RBFOX1: variants seen among roughly 807,000 people sequenced by gnomAD.
RBFOX1 encodes the protein RNA binding protein fox-1 homolog 1.
RBFOX1 carries 8 observed loss-of-function variants against 57.7 expected under a neutral mutation model. The ratio of observed to expected loss-of-function variants is 0.14; its 90% CI spans 0.08 to 0.25. The LOEUF is 0.25. RBFOX1 is among the 10% of genes least tolerant of loss of function. The probability of loss-of-function intolerance (pLI) is 1.00; values close to 1 mark genes in which losing one functional copy is unlikely to be tolerated. For synonymous variants in RBFOX1, 326 were observed against 222.4 expected, an observed-to-expected ratio of 1.47 and a Z score of -4.15; for missense variants, 611 against 548.5, an observed-to-expected ratio of 1.11 and a Z score of -1.14.
intron 3 of RBFOX1, among the ~76,000 whole-genome samples, chr16:6,955,908 G>T (rs1360177104): frequency 6.6e-6 from 1 of 152,072 alleles, no homozygotes; most frequent in Non-Finnish European, 1.5e-5. Context: ...GTTTCACCAT[G>T]TTGGTCAGGC....
At chr16:6,333,492 A>G (rs190346074) in intron 2 of RBFOX1, among the ~76,000 whole-genome samples, 7 of 152,104 alleles carry the variant, frequency 4.6e-5, no homozygotes, top group African/African-American at 1.7e-4. Context: ...CTTTGTCATC[A>G]TAGCTTCTCT....
At chr16:7,266,026 G>C (rs2095125725) in intron 4 of RBFOX1, among the ~76,000 whole-genome samples, 1 of 142,856 alleles carries the variant, frequency 7.0e-6, no homozygotes, top group African/African-American at 2.6e-5. Context: ...CCAGGCTGGA[G>C]TGCAGTGGCG....
chr16:5,748,122 T>A (rs56030444), intron 3 of RBFOX1, among the ~76,000 whole-genome samples: 1,943 of 152,290 alleles, frequency 0.013, 43 homozygotes, highest in African/African-American at 0.042. Flanking sequence ...CTGCCTTCAT[T>A]TCGTTATGTA....
chr16:6,953,210 G>T (rs1291397864), intron 3 of RBFOX1, among the ~76,000 whole-genome samples: 4 of 152,120 alleles, frequency 2.6e-5, no homozygotes, highest in South Asian at 4.2e-4. Context: ...TATGTGTCCG[G>T]TGCTCTCAGA....
intron 1 of RBFOX1, among the ~76,000 whole-genome samples, chr16:5,395,994 G>T (rs1285478254): frequency 1.3e-5 from 2 of 152,214 alleles, no homozygotes; most frequent in Admixed American, 6.5e-5. Context: ...CAGCCCCACT[G>T]TTGCCTGAAT....
At chr16:6,121,394 C>G (rs2152634964) in intron 1 of RBFOX1, among the ~76,000 whole-genome samples, 1 of 152,268 alleles carries the variant, frequency 6.6e-6, no homozygotes, top group South Asian at 2.1e-4. Context: ...CTGTGGACCA[C>G]CTTTGGAGAA....
chr16:5,900,276 G>A (rs186812376), intron 4 of RBFOX1, among the ~76,000 whole-genome samples: 2 of 152,268 alleles, frequency 1.3e-5, no homozygotes, highest in African/African-American at 4.8e-5. Context: ...TGATAGGCAG[G>A]TGGTAGATGC....
intron 1 of RBFOX1, among the ~76,000 whole-genome samples, chr16:6,232,325 G>A (rs2097468732): frequency 6.6e-6 from 1 of 152,144 alleles, no homozygotes; most frequent in African/African-American, 2.4e-5. Flanking sequence ...ATGGAATTAG[G>A]GCTGGAAAAC....
chr16:6,780,663 A>G (rs2080862097), intron 3 of RBFOX1, among the ~76,000 whole-genome samples: 1 of 145,948 alleles, frequency 6.9e-6, no homozygotes, highest in African/African-American at 2.5e-5. Context: ...ATATATCTAT[A>G]TTGCCTGTTT....
intron 2 of RBFOX1, among the ~76,000 whole-genome samples, chr16:5,510,125 G>A (rs1007137676): frequency 5.3e-5 from 8 of 152,216 alleles, no homozygotes; most frequent in African/African-American, 1.9e-4. Flanking sequence ...CTGAACCTAC[G>A]AGCTGTGTAA....
intron 4 of RBFOX1, among the ~76,000 whole-genome samples, chr16:7,192,379 A>G (rs536093860): frequency 6.6e-6 from 1 of 152,302 alleles, no homozygotes; most frequent in Admixed American, 6.5e-5. Context: ...GCTTCTCTGA[A>G]TCCTAGTAGT....
intron 4 of RBFOX1, among the ~76,000 whole-genome samples, chr16:7,102,128 A>T (rs554349090): frequency 6.6e-6 from 1 of 152,098 alleles, no homozygotes; most frequent in Non-Finnish European, 1.5e-5. Flanking sequence ...GCCTGTGCCT[A>T]CTTCTCTGTT....
intron 4 of RBFOX1, among the ~76,000 whole-genome samples, chr16:5,915,926 G>T (rs1308939393): frequency 6.6e-6 from 1 of 152,162 alleles, no homozygotes; most frequent in Non-Finnish European, 1.5e-5. Context: ...ATCACATTGG[G>T]AATAATGGGG....
chr16:6,707,680 A>C (rs137973779), intron 3 of RBFOX1, among the ~76,000 whole-genome samples: 1 of 152,176 alleles, frequency 6.6e-6, no homozygotes, highest in Non-Finnish European at 1.5e-5. Flanking sequence ...CAAGCCCAGG[A>C]GAGTGATAGG....
chr16:6,576,177 C>T (rs2097432719), intron 2 of RBFOX1, among the ~76,000 whole-genome samples: 1 of 152,102 alleles, frequency 6.6e-6, no homozygotes, highest in South Asian at 2.1e-4. Context: ...TTTCATTTTG[C>T]AACCTGCTTA....
At chr16:7,304,121 C>T (rs977599184) in intron 4 of RBFOX1, 1 of 775,086 alleles carries the variant, frequency 1.3e-6, no homozygotes, top group Non-Finnish European at 1.6e-6. Flanking sequence ...GGATCTAGCA[C>T]ATCCCCAGGC....
intron 3 of RBFOX1, among the ~76,000 whole-genome samples, chr16:6,958,587 T>A (rs781584076): frequency 6.6e-6 from 1 of 152,192 alleles, no homozygotes; most frequent in Non-Finnish European, 1.5e-5. Context: ...ACGGAATATT[T>A]CCTTTCAACA....
chr16:6,014,856 A>ATT (rs35940035), upstream of RBFOX1, among the ~76,000 whole-genome samples: 31 of 142,932 alleles, frequency 2.2e-4, no homozygotes, highest in Middle Eastern at 3.6e-3. Flanking sequence ...TGGCTACTTG[A>ATT]TTTTTTTTTT....
At chr16:5,963,913 G>C (rs1367839269) in intron 4 of RBFOX1, among the ~76,000 whole-genome samples, 2 of 152,210 alleles carry the variant, frequency 1.3e-5, no homozygotes, top group African/African-American at 2.4e-5. Flanking sequence ...TTTTACGTGA[G>C]AGCAGAAAGT....
Sources: gnomAD v4.1 joint callset for allele counts (sites outside exome capture counted in the v4.1 genomes callset) on GRCh38, gnomAD v4.1.1 for gene constraint, MANE v1.5 for transcripts, NCBI Gene and HGNC (gene_info 2026-07-23, HGNC 2026-07-21) for gene names.